The following ATXN7L1 variants were observed in gnomAD, a reference collection of about 807,000 sequenced individuals.
ATXN7L1 encodes ataxin 7 like 1.
Under a neutral mutation model 70.8 loss-of-function variants are expected in ATXN7L1, and 15 were observed. The ratio of observed to expected loss-of-function variants is 0.21; its 90% CI spans 0.14 to 0.33. The LOEUF is 0.33. Among genes scored for constraint, ATXN7L1 ranks in the 10% least tolerant of loss-of-function variants. ATXN7L1 has a pLI of 1.00. For missense variants in ATXN7L1, 975 were observed against 1,097.1 expected (o/e 0.89, Z 1.57); for synonymous variants, 440 against 445.1 (o/e 0.99, Z 0.14).
At chr7:105,839,144 T>G (rs531393093) in intron 2 of ATXN7L1, among the ~76,000 whole-genome samples, 1 of 151,824 alleles carries the variant, frequency 6.6e-6, no homozygotes, top group South Asian at 2.1e-4. Flanking sequence ...AATACAGAGG[T>G]TTTTCCTTTT....
intron 3 of ATXN7L1, among the ~76,000 whole-genome samples, chr7:105,712,487 G>A (rs907016630): frequency 6.6e-6 from 1 of 152,160 alleles, no homozygotes; most frequent in Non-Finnish European, 1.5e-5. Context: ...TTCAGCACAT[G>A]AGCATATACT....
At chr7:105,759,484 G>T (rs565009) in intron 3 of ATXN7L1, among the ~76,000 whole-genome samples, 7,809 of 135,588 alleles carry the variant, frequency 0.058, 555 homozygotes, top group Admixed American at 0.094. Flanking sequence ...GTGTGTGTGT[G>T]TGTGTGTATG....
intron 3 of ATXN7L1, among the ~76,000 whole-genome samples, chr7:105,688,040 T>C (rs1266823471): frequency 6.6e-6 from 1 of 152,176 alleles, no homozygotes; most frequent in Non-Finnish European, 1.5e-5. Flanking sequence ...GGAACCAAGG[T>C]TGCGGAGTGT....
intron 3 of ATXN7L1, among the ~76,000 whole-genome samples, chr7:105,730,289 A>G (rs1244045436): frequency 2.6e-5 from 4 of 152,226 alleles, no homozygotes; most frequent in Non-Finnish European, 2.9e-5. Context: ...TTTACCCCCA[A>G]AACATATAAC....
intron 3 of ATXN7L1, chr7:105,760,619 G>T: frequency 1.1e-6 from 1 of 942,770 alleles, no homozygotes; most frequent in Non-Finnish European, 1.3e-6. Context: ...CAGAGCTTGT[G>T]GCTGAGTTGG....
At chr7:105,747,315 T>C (rs1489167390) in intron 3 of ATXN7L1, among the ~76,000 whole-genome samples, 1 of 152,092 alleles carries the variant, frequency 6.6e-6, no homozygotes, top group Non-Finnish European at 1.5e-5. Context: ...GAAGCCTCCA[T>C]AAAAACCCAA....
At chr7:105,761,525 AT>A in intron 3 of ATXN7L1, 1 of 1,589,662 alleles carries the variant, frequency 6.3e-7, no homozygotes, top group Non-Finnish European at 8.6e-7. Flanking sequence ...TCCTTTGGAA[AT>A]TATATTTGTA....
intron 3 of ATXN7L1, 29 bp from the exon 4 acceptor site, chr7:105,665,317 C>T: frequency 6.6e-7 from 1 of 1,518,582 alleles, no homozygotes. Context: ...GAGAACTCAG[C>T]ACAGCATCTG....
intron 2 of ATXN7L1, chr7:105,875,381 G>A (rs1022385812): frequency 5.7e-6 from 1 of 174,850 alleles, no homozygotes; most frequent in Non-Finnish European, 1.2e-5. Flanking sequence ...GTTTTCAGTG[G>A]TGAGTGGAGA....
chr7:105,623,174 G>A (rs1201441987), intron 8 of ATXN7L1, among the ~76,000 whole-genome samples: 3 of 152,154 alleles, frequency 2.0e-5, no homozygotes, highest in Non-Finnish European at 2.9e-5. Context: ...CTTGGCCTTC[G>A]TTCATGACAT....
chr7:105,759,609 A>G (rs896993975), intron 3 of ATXN7L1, among the ~76,000 whole-genome samples: 1 of 152,114 alleles, frequency 6.6e-6, no homozygotes. Context: ...GTCTCAAACC[A>G]CAAGGCCCTG....
At chr7:105,785,371 C>T (rs1378481529) in intron 3 of ATXN7L1, among the ~76,000 whole-genome samples, 1 of 152,128 alleles carries the variant, frequency 6.6e-6, no homozygotes, top group Non-Finnish European at 1.5e-5. Flanking sequence ...GAGGCTGAGG[C>T]CGGAGAATTT....
intron 3 of ATXN7L1, among the ~76,000 whole-genome samples, chr7:105,732,573 C>T (rs919625042): frequency 1.3e-5 from 2 of 152,152 alleles, no homozygotes; most frequent in Non-Finnish European, 2.9e-5. Context: ...CAAGGCCCCT[C>T]CAGCACCCAG....
intron 2 of ATXN7L1, among the ~76,000 whole-genome samples, chr7:105,822,080 C>T (rs1810243563): frequency 6.6e-6 from 1 of 152,184 alleles, no homozygotes. Context: ...GCTGGACACA[C>T]TGAAATTCTT....
At chr7:105,639,424 T>C in intron 6 of ATXN7L1, 63 bp downstream of exon 6, 2 of 1,319,178 alleles carry the variant, frequency 1.5e-6, no homozygotes, top group Non-Finnish European at 2.1e-6. Flanking sequence ...GAGAGTGGCA[T>C]GCAAACATTT....
At chr7:105,806,930 A>C (rs1807706641) in intron 2 of ATXN7L1, among the ~76,000 whole-genome samples, 2 of 87,420 alleles carry the variant, frequency 2.3e-5, no homozygotes, top group African/African-American at 8.5e-5. Flanking sequence ...AGGGTGACTT[A>C]CTTGTTTCAA....
chr7:105,759,824 T>C (rs1368568604), intron 3 of ATXN7L1, among the ~76,000 whole-genome samples: 1 of 152,180 alleles, frequency 6.6e-6, no homozygotes, highest in Non-Finnish European at 1.5e-5. Flanking sequence ...GGAGTAATCT[T>C]ACCAATTTTG....
chr7:105,732,062 C>T (rs1214188412), intron 3 of ATXN7L1, among the ~76,000 whole-genome samples: 2 of 152,008 alleles, frequency 1.3e-5, no homozygotes, highest in Non-Finnish European at 2.9e-5. Flanking sequence ...CACTGTACTC[C>T]AGCGTGGGGG....
intron 3 of ATXN7L1, among the ~76,000 whole-genome samples, chr7:105,667,056 G>T (rs1802718074): frequency 6.6e-6 from 1 of 152,204 alleles, no homozygotes; most frequent in East Asian, 1.9e-4. Flanking sequence ...ATGATTCCTG[G>T]ATGTCAGAGC....
Sources: gnomAD v4.1 joint callset for allele counts (sites outside exome capture counted in the v4.1 genomes callset) on GRCh38, gnomAD v4.1.1 for gene constraint, MANE v1.5 for transcripts, NCBI Gene and HGNC (gene_info 2026-07-23, HGNC 2026-07-21) for gene names.